The following POFUT3 variants were observed in gnomAD, a reference collection of about 807,000 sequenced individuals.
POFUT3 encodes GDP-fucose protein O-fucosyltransferase 3.
At chr8:33,451,520 A>G in the POFUT3 span, among the ~76,000 whole-genome samples, 4 of 151,992 alleles carry the variant, frequency 2.6e-5, no homozygotes, top group African/African-American at 9.7e-5. Context: ...GTGTGTACAT[A>G]TGTATATGCA....
At chr8:33,404,461 G>A in the POFUT3 span, among the ~76,000 whole-genome samples, 175 of 152,262 alleles carry the variant, frequency 1.1e-3, no homozygotes, top group Non-Finnish European at 1.9e-3. Flanking sequence ...CAGCTGCTAC[G>A]GGCTTCATAC....
chr8:33,438,722 C>T, the POFUT3 span, among the ~76,000 whole-genome samples: 23 of 151,984 alleles, frequency 1.5e-4, 1 homozygote, highest in Admixed American at 7.2e-4. Flanking sequence ...TGGTGGAAGG[C>T]GAAAGGCATG....
At chr8:33,416,317 T>C in the POFUT3 span, among the ~76,000 whole-genome samples, 1 of 152,194 alleles carries the variant, frequency 6.6e-6, no homozygotes, top group African/African-American at 2.4e-5. Flanking sequence ...CAGAAAATAG[T>C]ATGGGCCAGG....
chr8:33,380,077 A>T, the POFUT3 span, among the ~76,000 whole-genome samples: 3 of 40,894 alleles, frequency 7.3e-5, no homozygotes, highest in East Asian at 3.2e-3. Flanking sequence ...ATATATATAC[A>T]CTATATATAC....
chr8:33,438,874 C>T, the POFUT3 span, among the ~76,000 whole-genome samples: 1 of 152,162 alleles, frequency 6.6e-6, no homozygotes, highest in Admixed American at 6.5e-5. Context: ...ACCATGTGAA[C>T]AGTCTGGGGG....
the POFUT3 span, among the ~76,000 whole-genome samples, chr8:33,444,964 C>T: frequency 2.8e-5 from 3 of 106,688 alleles, no homozygotes; most frequent in Middle Eastern, 0.01. Context: ...GATAGGTTCT[C>T]ACTCTGTTGC....
At chr8:33,324,187 T>C in the POFUT3 span, among the ~76,000 whole-genome samples, 3,361 of 152,226 alleles carry the variant, frequency 0.022, 130 homozygotes, top group African/African-American at 0.077. Context: ...ACCACATCAC[T>C]TCTCCCCACA....
At chr8:33,398,140 G>C in the POFUT3 span, among the ~76,000 whole-genome samples, 5 of 152,166 alleles carry the variant, frequency 3.3e-5, no homozygotes, top group Non-Finnish European at 7.4e-5. Flanking sequence ...GTTTGGGGCT[G>C]AATTACTGAT....
chr8:33,413,363 T>TTCTCTC, the POFUT3 span, among the ~76,000 whole-genome samples: 1 of 148,892 alleles, frequency 6.7e-6, no homozygotes, highest in Non-Finnish European at 1.5e-5. Flanking sequence ...CTCACTCTCT[T>TTCTCTC]TCTCTCTCTC....
At chr8:33,405,819 T>C in the POFUT3 span, among the ~76,000 whole-genome samples, 6 of 152,356 alleles carry the variant, frequency 3.9e-5, no homozygotes, top group Admixed American at 1.3e-4. Context: ...ATCAAATGTA[T>C]AAGTAAATAA....
chr8:33,310,922 A>G, the POFUT3 span, among the ~76,000 whole-genome samples: 6 of 152,194 alleles, frequency 3.9e-5, no homozygotes, highest in African/African-American at 1.2e-4. Flanking sequence ...GAATGTCCTC[A>G]TGTAAGGTTT....
chr8:33,441,528 G>A, the POFUT3 span, among the ~76,000 whole-genome samples: 2 of 151,722 alleles, frequency 1.3e-5, no homozygotes, highest in South Asian at 2.1e-4. Context: ...CTATAGGTGT[G>A]CACCACCATG....
At chr8:33,345,398 CTTTTT>C in the POFUT3 span, among the ~76,000 whole-genome samples, 3 of 122,470 alleles carry the variant, frequency 2.4e-5, no homozygotes, top group Admixed American at 8.4e-5. Flanking sequence ...GTATATTTTA[CTTTTT>C]TTTTTTTTTT....
the POFUT3 span, among the ~76,000 whole-genome samples, chr8:33,403,832 G>A: frequency 4.8e-4 from 73 of 151,996 alleles, no homozygotes; most frequent in African/African-American, 1.4e-3. Context: ...TAGAGACTGG[G>A]GTTCAAAGAA....
chr8:33,427,343 C>T, the POFUT3 span, among the ~76,000 whole-genome samples: 3 of 151,624 alleles, frequency 2.0e-5, no homozygotes, highest in East Asian at 1.9e-4. Context: ...TTTGGGAGGC[C>T]GAGGCGGGCA....
At chr8:33,336,312 C>A in the POFUT3 span, among the ~76,000 whole-genome samples, 1 of 152,148 alleles carries the variant, frequency 6.6e-6, no homozygotes, top group Non-Finnish European at 1.5e-5. Context: ...CACCCTAAGG[C>A]ATTTCCACCA....
the POFUT3 span, among the ~76,000 whole-genome samples, chr8:33,454,250 G>C: frequency 6.6e-6 from 1 of 152,200 alleles, no homozygotes; most frequent in Non-Finnish European, 1.5e-5. Flanking sequence ...CCTCCCTGAA[G>C]ACTCTAGGAG....
the POFUT3 span, among the ~76,000 whole-genome samples, chr8:33,380,790 T>C: frequency 6.7e-6 from 1 of 149,672 alleles, no homozygotes. Context: ...TGAGCTATGA[T>C]TGCACCACTG....
At chr8:33,323,648 A>G in the POFUT3 span, among the ~76,000 whole-genome samples, 5 of 152,202 alleles carry the variant, frequency 3.3e-5, no homozygotes, top group African/African-American at 1.2e-4. Flanking sequence ...TCAAGAATAT[A>G]TAACAGCCTA....
Sources: gnomAD v4.1 joint callset for allele counts (sites outside exome capture counted in the v4.1 genomes callset) on GRCh38, gnomAD v4.1.1 for gene constraint, MANE v1.5 for transcripts, NCBI Gene and HGNC (gene_info 2026-07-23, HGNC 2026-07-21) for gene names.